The following COL4A2 variants were observed in gnomAD, a reference collection of about 807,000 sequenced individuals.
The protein encoded by COL4A2 is collagen type IV alpha 2 chain, also known as collagen alpha-2(IV) chain.
Under a neutral mutation model 200.2 loss-of-function variants are expected in COL4A2, and 99 were observed. That is an observed-to-expected ratio of 0.49 (90% CI 0.42 to 0.58). The LOEUF (loss-of-function observed/expected upper bound fraction) is 0.58. COL4A2 is among the 20% of genes least tolerant of loss of function. The probability of loss-of-function intolerance (pLI) is 0.00; values close to 1 mark genes in which losing one functional copy is unlikely to be tolerated. For missense variants in COL4A2, 1,950 were observed against 2,314.1 expected, an observed-to-expected ratio of 0.84 and a Z score of 3.23; for synonymous variants, 897 against 900.6, an observed-to-expected ratio of 1.00 and a Z score of 0.07.
intron 4 of COL4A2, among the ~76,000 whole-genome samples, chr13:110,394,012 A>G (rs752271229): frequency 6.6e-6 from 1 of 152,200 alleles, no homozygotes; most frequent in African/African-American, 2.4e-5. Context: ...CCACTATATG[A>G]TGACTTTCTC....
chr13:110,373,636 G>T (rs1878111391), intron 4 of COL4A2, among the ~76,000 whole-genome samples: 1 of 152,240 alleles, frequency 6.6e-6, no homozygotes, highest in Admixed American at 6.5e-5. Flanking sequence ...TACAGCCACT[G>T]CTTACACATG....
chr13:110,500,515 C>T (rs750100013), intron 40 of COL4A2, among the ~76,000 whole-genome samples: 3 of 152,154 alleles, frequency 2.0e-5, no homozygotes, highest in Non-Finnish European at 4.4e-5. Context: ...GTGGAATTTC[C>T]ACAGATTTCC....
intron 4 of COL4A2, among the ~76,000 whole-genome samples, chr13:110,365,187 G>A (rs764335801): frequency 1.3e-5 from 2 of 152,018 alleles, no homozygotes; most frequent in Non-Finnish European, 2.9e-5. Context: ...TGTTGCCTGG[G>A]CTGGACCGCA....
chr13:110,397,527 G>A (rs533023169), intron 4 of COL4A2, among the ~76,000 whole-genome samples: 49 of 152,268 alleles, frequency 3.2e-4, no homozygotes, highest in African/African-American at 9.4e-4. Flanking sequence ...TAAGAACATC[G>A]TAGGTGGCAT....
At chr13:110,308,984 G>A (rs1243487776) in intron 3 of COL4A2, among the ~76,000 whole-genome samples, 1 of 152,204 alleles carries the variant, frequency 6.6e-6, no homozygotes, top group Non-Finnish European at 1.5e-5. Context: ...TACTGTGGCC[G>A]ATGGAGTAGC....
chr13:110,462,320 A>C lies in COL4A2; in HGVS notation c.1712A>C (p.Lys571Thr). The change falls in exon 24 of 48, where the codon AAA becomes ACA. Residue 571 changes from lysine to threonine, a missense_variant. This residue lies in a region of COL4A2 where 1,385 missense variants were observed against 1,720.5 expected (regional missense o/e 0.80). Transcript: ENST00000360467. The part of the protein sequence containing the change: ...QPGVPGVPGM[K>T]GDDGSPGRDG... Reference sequence around the variant, plus strand: ...GGCGTCCCAGGTGTGCCCGGGATGAAAGGTGACGATGGCAGCCCAGGCCGC... The same window carrying C: ...GGCGTCCCAGGTGTGCCCGGGATGACAGGTGACGATGGCAGCCCAGGCCGC... 6.2e-7 allele frequency: 1 copy of C among 1,614,148 alleles called. No homozygotes were observed. The highest frequency in any genetic ancestry group is 8.5e-7 in the Non-Finnish European group (1 of 1,180,030).
At chr13:110,342,811 G>A (rs1033508816) in intron 3 of COL4A2, among the ~76,000 whole-genome samples, 15 of 152,098 alleles carry the variant, frequency 9.9e-5, no homozygotes, top group East Asian at 3.9e-4. Context: ...CCGCACACCC[G>A]ACTGGAAGCT....
At chr13:110,348,992 C>T (rs1876832582) in intron 3 of COL4A2, among the ~76,000 whole-genome samples, 1 of 152,146 alleles carries the variant, frequency 6.6e-6, no homozygotes, top group South Asian at 2.1e-4. Flanking sequence ...TGCTCATTTT[C>T]TATGTGCAAG....
intron 22 of COL4A2, among the ~76,000 whole-genome samples, chr13:110,461,188 A>C (rs1457355668): frequency 6.6e-6 from 1 of 152,244 alleles, no homozygotes; most frequent in Non-Finnish European, 1.5e-5. Flanking sequence ...ACCTCAGTGC[A>C]GGAAACAAAT....
chr13:110,424,186 C>T (rs1239880701), intron 4 of COL4A2, among the ~76,000 whole-genome samples: 1 of 152,086 alleles, frequency 6.6e-6, no homozygotes, highest in African/African-American at 2.4e-5. Context: ...CACATCCTCA[C>T]CAATACTTAT....
intron 3 of COL4A2, among the ~76,000 whole-genome samples, chr13:110,356,770 CTTT>C (rs66516455): frequency 2.2e-4 from 30 of 136,484 alleles, no homozygotes; most frequent in South Asian, 4.8e-4. Flanking sequence ...TTTATAGGCA[CTTT>C]TTTTTTTTTT....
intron 16 of COL4A2, among the ~76,000 whole-genome samples, chr13:110,441,575 G>A (rs1309042185): frequency 6.6e-6 from 1 of 152,114 alleles, no homozygotes; most frequent in Admixed American, 6.5e-5. Context: ...CCTAGAACAA[G>A]AGCTATCCAA....
At chr13:110,474,285 C>T (rs1257992893) in intron 29 of COL4A2, among the ~76,000 whole-genome samples, 4 of 152,218 alleles carry the variant, frequency 2.6e-5, no homozygotes, top group African/African-American at 4.8e-5. Flanking sequence ...CCTGATTCTG[C>T]CATCAGCCCA....
At chr13:110,436,397 T>C (rs1334914455) in intron 13 of COL4A2, 30 bp downstream of exon 13, 1 of 1,599,742 alleles carries the variant, frequency 6.3e-7, no homozygotes, top group East Asian at 2.2e-5. Context: ...CTTTTCATAG[T>C]TGAAATAAAA....
chr13:110,351,632 T>A (rs998943196), intron 3 of COL4A2, among the ~76,000 whole-genome samples: 1 of 152,214 alleles, frequency 6.6e-6, no homozygotes, highest in Non-Finnish European at 1.5e-5. Context: ...GAGCTTACAA[T>A]AATCAGACTT....
chr13:110,509,850 T>A (rs1884027138), intron 47 of COL4A2, among the ~76,000 whole-genome samples: 1 of 152,152 alleles, frequency 6.6e-6, no homozygotes, highest in Non-Finnish European at 1.5e-5. Context: ...GGGCCAGAAG[T>A]ACCTTGACTT....
At chr13:110,481,128 A>T (rs374191016) in intron 31 of COL4A2, among the ~76,000 whole-genome samples, 22 of 9,304 alleles carry the variant, frequency 2.4e-3, no homozygotes, top group East Asian at 4.3e-3. Context: ...GGAGACACAC[A>T]GTTCTGTCCC....
chr13:110,410,471 C>T (rs1279069370), intron 4 of COL4A2, among the ~76,000 whole-genome samples: 1 of 152,198 alleles, frequency 6.6e-6, no homozygotes, highest in African/African-American at 2.4e-5. Context: ...GACATGGACT[C>T]CAAGTTCACC....
chr13:110,321,966 A>G lies in COL4A2; in HGVS notation c.99+13843A>G, dbSNP rs565125929. On this transcript the variant is annotated intron_variant, in intron 3 of 47. Coordinates refer to ENST00000360467, the MANE Select transcript of COL4A2 (RefSeq NM_001846.4). ...AATTCAAGGTGAGATTTAGGTGGGG[A>G]CACAGAGCCAAACCATATCAGTCCT... Among the ~76,000 whole-genome samples, 6 of 152,334 alleles carry G rather than the reference A, an allele frequency of 3.9e-5. No homozygotes were observed. The South Asian group carries it at 1.2e-3, about 32-fold the overall frequency.
Sources: allele counts gnomAD v4.1 joint callset (sites outside exome capture counted in the v4.1 genomes callset), GRCh38; gene constraint gnomAD v4.1.1; regional missense constraint gnomAD v4.1.1; transcripts MANE v1.5; gene names NCBI Gene and HGNC (gene_info 2026-07-23, HGNC 2026-07-21).